Variants in LTBP1 observed in about 807,000 individuals in gnomAD.
LTBP1 encodes the protein latent-transforming growth factor beta-binding protein 1.
In LTBP1, 129 loss-of-function variants were observed where a neutral mutation model predicts 207.6. The ratio of observed to expected loss-of-function variants is 0.62; its 90% CI spans 0.54 to 0.72. LTBP1 has a LOEUF of 0.72. Among genes scored for constraint, LTBP1 ranks in the 30% least tolerant of loss-of-function variants. The pLI is 0.00. For synonymous variants in LTBP1, 963 were observed against 833.7 expected, an observed-to-expected ratio of 1.16 and a Z score of -2.67; for missense variants, 2,281 against 2,217.2, an observed-to-expected ratio of 1.03 and a Z score of -0.58.
At chr2:33,375,558 C>G (rs976424195) in intron 31 of LTBP1, among the ~76,000 whole-genome samples, 1 of 151,914 alleles carries the variant, frequency 6.6e-6, no homozygotes. Context: ...GACGGAGTCT[C>G]GCTCTGTCGC....
chr2:33,053,238 C>A (rs1022478644), intron 3 of LTBP1, among the ~76,000 whole-genome samples: 7 of 152,108 alleles, frequency 4.6e-5, no homozygotes, highest in African/African-American at 7.2e-5. Context: ...GTCCAGACTT[C>A]CTATATACCC....
chr2:33,261,393 G>T (rs572301057), intron 13 of LTBP1, among the ~76,000 whole-genome samples: 1 of 152,324 alleles, frequency 6.6e-6, no homozygotes, highest in East Asian at 1.9e-4. Flanking sequence ...TAAGAAGACA[G>T]AGGAAATGTG....
At chr2:33,180,989 C>A (rs1387271082) in intron 5 of LTBP1, among the ~76,000 whole-genome samples, 1 of 151,480 alleles carries the variant, frequency 6.6e-6, no homozygotes, top group Non-Finnish European at 1.5e-5. Flanking sequence ...AAATCAAAAT[C>A]ATGTGTGTGT....
At chr2:33,050,046 G>T (rs2076646448) in intron 3 of LTBP1, among the ~76,000 whole-genome samples, 1 of 151,336 alleles carries the variant, frequency 6.6e-6, no homozygotes, top group African/African-American at 2.4e-5. Flanking sequence ...ATCTTGCTTT[G>T]TTGCCTAGGT....
chr2:33,361,905 CTGTT>C (rs1239346370), intron 28 of LTBP1, among the ~76,000 whole-genome samples: 1 of 152,158 alleles, frequency 6.6e-6, no homozygotes, highest in Non-Finnish European at 1.5e-5. Flanking sequence ...AATTTGACCA[CTGTT>C]TGTCTTTATG....
intron 3 of LTBP1, among the ~76,000 whole-genome samples, chr2:33,105,598 A>T (rs2080022898): frequency 6.6e-6 from 1 of 152,040 alleles, no homozygotes; most frequent in South Asian, 2.1e-4. Flanking sequence ...ACACCTGGCT[A>T]ATTTTTGTAT....
chr2:33,252,061 G>A (rs942173423), intron 10 of LTBP1, among the ~76,000 whole-genome samples: 10 of 152,330 alleles, frequency 6.6e-5, no homozygotes, highest in African/African-American at 2.4e-4. Flanking sequence ...CCGAAGAGCT[G>A]AGCACATCAT....
chr2:33,319,589 T>C (rs1359115391), intron 24 of LTBP1, among the ~76,000 whole-genome samples: 1 of 152,072 alleles, frequency 6.6e-6, no homozygotes, highest in Non-Finnish European at 1.5e-5. Flanking sequence ...TGTCACCTCT[T>C]TTCCATGCCT....
chr2:33,082,603 T>A (rs1163080627), intron 3 of LTBP1, among the ~76,000 whole-genome samples: 1 of 151,936 alleles, frequency 6.6e-6, no homozygotes. Context: ...TGTTTTATAT[T>A]TTTAGTAGAG....
chr2:33,016,600 G>C (rs219185), intron 2 of LTBP1, among the ~76,000 whole-genome samples: 99,523 of 151,944 alleles, frequency 0.65, 34,299 homozygotes, highest in East Asian at 1. Context: ...GAGAACCACC[G>C]CCCAATCCAC....
intron 3 of LTBP1, among the ~76,000 whole-genome samples, chr2:33,092,095 A>G (rs143499045): frequency 2.4e-4 from 37 of 152,264 alleles, no homozygotes; most frequent in African/African-American, 4.6e-4. Flanking sequence ...ATCTTGTTCT[A>G]TAGTTCTTTG....
At chr2:33,256,205 AGTT>A (rs2092845974) in intron 11 of LTBP1, among the ~76,000 whole-genome samples, 3 of 151,896 alleles carry the variant, frequency 2.0e-5, no homozygotes, top group African/African-American at 7.2e-5. Context: ...GCTTTTGCCC[AGTT>A]GTTGTTCCTT....
intron 31 of LTBP1, among the ~76,000 whole-genome samples, chr2:33,377,121 G>C (rs1037340241): frequency 8.5e-5 from 13 of 152,172 alleles, no homozygotes; most frequent in Non-Finnish European, 1.9e-4. Flanking sequence ...TAAAAACCCT[G>C]ATAGAGGGGA....
At chr2:32,983,866 A>T (rs186291619) in intron 2 of LTBP1, among the ~76,000 whole-genome samples, 4 of 152,238 alleles carry the variant, frequency 2.6e-5, no homozygotes, top group African/African-American at 4.8e-5. Flanking sequence ...TCTTCATAGC[A>T]GTATGAAAAT....
intron 31 of LTBP1, among the ~76,000 whole-genome samples, chr2:33,371,266 C>T (rs1378413510): frequency 6.6e-6 from 1 of 152,188 alleles, no homozygotes; most frequent in Non-Finnish European, 1.5e-5. Context: ...CTGACTGTCT[C>T]CCCATTCAGA....
intron 27 of LTBP1, 56 bp downstream of exon 27, chr2:33,360,835 G>T: frequency 4.6e-6 from 7 of 1,528,076 alleles, no homozygotes; most frequent in Non-Finnish European, 6.3e-6. Context: ...TGGTGTCCCT[G>T]GGCCTTGAAA....
chr2:33,394,991 G>C (rs2095346189), intron 32 of LTBP1, among the ~76,000 whole-genome samples: 1 of 152,164 alleles, frequency 6.6e-6, no homozygotes, highest in South Asian at 2.1e-4. Context: ...TCCTGCAAAA[G>C]ACATTATCTC....
chr2:33,120,189 TA>T (rs755301271), intron 4 of LTBP1, among the ~76,000 whole-genome samples: 2 of 152,202 alleles, frequency 1.3e-5, no homozygotes, highest in African/African-American at 2.4e-5. Context: ...TATATGTGTG[TA>T]TTTTTTTAAC....
intron 9 of LTBP1, among the ~76,000 whole-genome samples, chr2:33,232,062 G>T (rs1232025423): frequency 1.3e-5 from 2 of 152,096 alleles, no homozygotes; most frequent in East Asian, 3.9e-4. Context: ...GGGTGAGAGT[G>T]TGATATCAGT....
Sources: allele counts gnomAD v4.1 joint callset (sites outside exome capture counted in the v4.1 genomes callset), GRCh38; gene constraint gnomAD v4.1.1; transcripts MANE v1.5; gene names NCBI Gene and HGNC (gene_info 2026-07-23, HGNC 2026-07-21).